Variants in KRT82 observed in about 807,000 individuals in gnomAD.
KRT82 encodes keratin 82, also known as keratin, type II cuticular Hb2.
A neutral mutation model predicts 48.0 loss-of-function variants in KRT82; 44 were observed. The ratio of observed to expected loss-of-function variants is 0.92; its 90% CI spans 0.72 to 1.18. The LOEUF (loss-of-function observed/expected upper bound fraction) is 1.18, where lower values mean the gene tolerates loss of function less well. Ranked by LOEUF, KRT82 falls within the 50% of genes most tolerant of loss-of-function variation. The probability of loss-of-function intolerance (pLI) is 0.00; values close to 1 mark genes in which losing one functional copy is unlikely to be tolerated. For synonymous variants in KRT82, 297 were observed against 278.3 expected (o/e 1.07, Z -0.67); for missense variants, 701 against 671.4 (o/e 1.04, Z -0.49).
At chr12:52,403,630 GA>G (rs1565783394) in intron 2 of KRT82, 70 bp downstream of exon 2, 2 of 942,866 alleles carry the variant, frequency 2.1e-6, no homozygotes, top group Non-Finnish European at 3.3e-6. Context: ...TATAAATGGG[GA>G]ATCAGGGCCC....
rs139996519 is a variant in KRT82, at chr12:52,395,031, G to A, written c.1486C>T (p.Arg496Trp). Residue 496 changes from arginine to tryptophan, a missense_variant, in exon 9 of 9, where the codon CGG becomes TGG. Arg to Trp is a moderately radical substitution (Grantham distance 101, BLOSUM62 -3). Coordinates refer to ENST00000257974, the MANE Select transcript of KRT82 (RefSeq NM_033033.4). Reference sequence around the variant, plus strand: ...GCTCCTAGCGTCATGCTGGATTTCCGCCCGCTCCCACAGCTCAGTAGCCCC... The same window carrying A: ...GCTCCTAGCGTCATGCTGGATTTCCACCCGCTCCCACAGCTCAGTAGCCCC... ...PQGLLSCGSG[R>W]KSSMTLGAGG... 37 of 1,613,870 alleles carry A rather than the reference G, an allele frequency of 2.3e-5. No individual in the cohort carries two copies. In the South Asian group the frequency reaches 2.4e-4, roughly 11 times the overall value.
chr12:52,402,416 C>G (rs957168725), intron 2 of KRT82: 6 of 152,370 alleles, frequency 3.9e-5, no homozygotes, highest in Admixed American at 2.0e-4. Context: ...CTCCAGCCCT[C>G]CCACAGCCTC....
chr12:52,396,424 G>A (rs1939716306), intron 6 of KRT82, among the ~76,000 whole-genome samples, 192 bp from the exon 7 acceptor site: 1 of 152,142 alleles, frequency 6.6e-6, no homozygotes, highest in African/African-American at 2.4e-5. Flanking sequence ...CAAGAGAGCG[G>A]GGATTTTCCT....
intron 5 of KRT82, among the ~76,000 whole-genome samples, 154 bp from the exon 6 acceptor site, chr12:52,397,162 T>C (rs1939727475): frequency 1.3e-5 from 2 of 152,258 alleles, no homozygotes; most frequent in South Asian, 4.1e-4. Context: ...CTTCCGCTTC[T>C]GGGCAATTTT....
In KRT82 at chr12:52,401,307, C is replaced by T. The variant is rs1384731002; in HGVS notation, c.663G>A (p.Glu221=). The change falls in exon 3 of 9, where the codon GAG becomes GAA. Residue 221 remains glutamate, a synonymous_variant. Coordinates refer to ENST00000257974, the MANE Select transcript of KRT82 (RefSeq NM_033033.4). ...TCCTTACCTTCTTCAAGGCAACAAA[C>T]TCATTCTCAACACAGGGACGCAGGG... ...ELSLRPCVEN[E]FVALKKDVDT... The T allele has an allele frequency of 2.5e-6, 4 of 1,614,062 alleles. No homozygotes were observed. Among genetic ancestry groups the T allele is most frequent in the Non-Finnish European group, 2.5e-6 (3 of 1,179,936 alleles).
chr12:52,401,508 C>T (rs1212098098), intron 2 of KRT82, among the ~76,000 whole-genome samples, 159 bp from the exon 3 acceptor site: 1 of 152,190 alleles, frequency 6.6e-6, no homozygotes, highest in Non-Finnish European at 1.5e-5. Context: ...CTCCTCCACC[C>T]ACTTGAGATG....
intron 1 of KRT82, among the ~76,000 whole-genome samples, chr12:52,405,386 T>C (rs888524613): frequency 3.9e-5 from 6 of 152,364 alleles, no homozygotes; most frequent in African/African-American, 1.4e-4. Flanking sequence ...CCTCTAGCTC[T>C]GACTGTCCAC....
rs748358561 is a variant in KRT82, at chr12:52,400,553, C to T, written c.751G>A (p.Asp251Asn). 3.0e-5 allele frequency: 48 copies of T among 1,613,966 alleles called. No individual in the cohort carries two copies. Among genetic ancestry groups the T allele is most frequent in the Middle Eastern group, 1.6e-4 (1 of 6,082 alleles). The change falls in exon 4 of 9, where the codon GAC (aspartate) becomes AAC (asparagine). Residue 251 changes from aspartate to asparagine, a missense_variant. Coordinates refer to ENST00000257974, the MANE Select transcript of KRT82 (RefSeq NM_033033.4). ...TCCTCATACAGGCTTTTCAGGAAGT[C>T]GATCTCCTGCACGAGTGCCTCTGCG... ...TNAEALVQEI[D>N]FLKSLYEEEI...
At chr12:52,397,037 G>A in intron 5 of KRT82, 29 bp from the exon 6 acceptor site, 1 of 1,610,684 alleles carries the variant, frequency 6.2e-7, no homozygotes, top group Non-Finnish European at 8.5e-7. Context: ...CAGAGCCCCA[G>A]GCCCCACAAG....
Position 52,403,390 on chromosome 12 carries a change from G to A in KRT82, c.620+311C>T, listed in dbSNP as rs540828397. 3.9e-5 allele frequency among the ~76,000 whole-genome samples: 6 copies of A among 152,314 alleles called. No individual in the cohort carries two copies. The East Asian group carries it at 1.2e-3, about 29-fold the overall frequency. On this transcript the variant is annotated intron_variant, in intron 2 of 8. Transcript: ENST00000257974. ...TAGGAAGTAGTTCAGGATCTGCAAA[G>A]GCACAACAGGCAGTTTCAGCTGGAA...
chr12:52,398,628 G>C (rs1193831473), intron 5 of KRT82, among the ~76,000 whole-genome samples: 2 of 152,040 alleles, frequency 1.3e-5, no homozygotes, highest in Non-Finnish European at 2.9e-5. Flanking sequence ...TTGTTGCCAG[G>C]GGCAACCAGA....
chr12:52,404,078 T>C (rs4761875), intron 1 of KRT82, among the ~76,000 whole-genome samples, 169 bp from the exon 2 acceptor site: 19,644 of 152,250 alleles, frequency 0.13, 1,364 homozygotes, highest in Middle Eastern at 0.22. Flanking sequence ...GGCATGTGTG[T>C]CTGTGTCTCC....
At chr12:52,402,560 C>T (rs1939803446) in intron 2 of KRT82, among the ~76,000 whole-genome samples, 1 of 152,210 alleles carries the variant, frequency 6.6e-6, no homozygotes, top group South Asian at 2.1e-4. Flanking sequence ...GAGCCATTAT[C>T]CTCCAAGGGC....
At chr12:52,404,931 G>C (rs557186373) in intron 1 of KRT82, among the ~76,000 whole-genome samples, 1 of 152,150 alleles carries the variant, frequency 6.6e-6, no homozygotes. Flanking sequence ...CGGGGATTCC[G>C]GGTGTAGGAG....
chr12:52,406,016 G>T lies in KRT82; in HGVS notation c.262C>A (p.Pro88Thr). Residue 88 changes from proline to threonine, a missense_variant, in exon 1 of 9, where the codon CCT (proline) becomes ACT (threonine). By Grantham distance (38) the Pro-to-Thr change is conservative. Coordinates refer to ENST00000257974, the MANE Select transcript of KRT82 (RefSeq NM_033033.4). ...GTGACAGGGGTGATGCAGGCAGAAG[G>T]CCCACAGGTGGCTCCCAGTCGGTAC... is the stretch of plus-strand genomic sequence containing the variant. ...FGYRLGATCG[P>T]SACITPVTIN... 3 of 1,614,182 alleles carry T rather than the reference G, an allele frequency of 1.9e-6. No individual in the cohort carries two copies. The highest frequency in any genetic ancestry group is 1.6e-4 in the Middle Eastern group (1 of 6,062).
Position 52,403,823 on chromosome 12 carries a change from C to T in KRT82, c.498G>A (p.Glu166=), listed in dbSNP as rs143399456. 3 of 1,613,890 alleles carry T rather than the reference C, an allele frequency of 1.9e-6. No individual in the cohort carries two copies. The highest frequency in any genetic ancestry group is 2.5e-6 in the Non-Finnish European group (3 of 1,180,006). Reference sequence around the variant, plus strand: ...CGCTGATATAGCCCTCGAAGATGGGCTCGATGTTGGTCTGGCAGCACCTCT... The same window carrying T: ...CGCTGATATAGCCCTCGAAGATGGGTTCGATGTTGGTCTGGCAGCACCTCT... ...QQQRCCQTNI[E]PIFEGYISAL... is the part of the protein sequence containing the mutation. Residue 166 remains glutamate (E), a synonymous_variant, in exon 2 of 9, where the codon GAG becomes GAA. Transcript: ENST00000257974.
rs533679144 is a variant in KRT82, at chr12:52,399,771, C to T, written c.942+214G>A. ...GATGACAGGCCTGGATTGTCCGGGG[C>T]GGGGAGGGGTCCCTCCCACGTGCTC... On this transcript the variant is annotated intron_variant, in intron 5 of 8. Coordinates refer to ENST00000257974, the MANE Select transcript of KRT82 (RefSeq NM_033033.4). Among the ~76,000 whole-genome samples the T allele has an allele frequency of 3.5e-4, 53 of 152,276 alleles. 1 individual carries two copies. The highest frequency in any genetic ancestry group is 1.0e-3 in the African/African-American group (43 of 41,568).
chr12:52,403,957 C>A, intron 1 of KRT82, 48 bp from the exon 2 acceptor site: 1 of 1,565,736 alleles, frequency 6.4e-7, no homozygotes, highest in Non-Finnish European at 8.7e-7. Context: ...TCCTGGGGAC[C>A]ATGACTTAGA....
Position 52,406,075 on chromosome 12 carries a change from G to A in KRT82, c.203C>T (p.Ala68Val), listed in dbSNP as rs764947086. 5 of 1,613,718 alleles carry A rather than the reference G, an allele frequency of 3.1e-6. No individual in the cohort carries two copies. The highest frequency in any genetic ancestry group is 3.4e-6 in the Non-Finnish European group (4 of 1,179,912). Residue 68 changes from alanine to valine, a missense_variant, in exon 1 of 9, where the codon GCC (alanine) becomes GTC (valine). Transcript: ENST00000257974. Reference sequence around the variant, plus strand: ...AGGCAGGGTACCTCCACACCTGGAGGCTACCCGGGGCCTCCCAAAGCCCAC... The same window carrying A: ...AGGCAGGGTACCTCCACACCTGGAGACTACCCGGGGCCTCCCAAAGCCCAC... ...CNVGFGRPRV[A>V]SRCGGTLPGF... is the part of the protein sequence containing the mutation.
Sources: allele counts gnomAD v4.1 joint callset (sites outside exome capture counted in the v4.1 genomes callset), GRCh38; gene constraint gnomAD v4.1.1; transcripts MANE v1.5; gene names NCBI Gene and HGNC (gene_info 2026-07-23, HGNC 2026-07-21).